Variants in RALY observed in about 807,000 individuals in gnomAD.
The protein encoded by RALY is RNA-binding protein Raly.
A neutral mutation model predicts 30.7 loss-of-function variants in RALY; 15 were observed. The ratio of observed to expected loss-of-function variants is 0.49; its 90% CI spans 0.33 to 0.75. The LOEUF (loss-of-function observed/expected upper bound fraction) is 0.75, where lower values mean the gene tolerates loss of function less well. RALY is among the 30% of genes least tolerant of loss of function. The pLI, the probability that RALY is intolerant of heterozygous loss-of-function variation, is 0.02. For missense variants in RALY, 339 were observed against 414.3 expected (o/e 0.82, Z 1.58); for synonymous variants, 177 against 170.8 (o/e 1.04, Z -0.28).
intron 1 of RALY, chr20:34,016,411 G>A (rs1162347138): frequency 6.6e-6 from 1 of 152,184 alleles, no homozygotes; most frequent in Non-Finnish European, 1.5e-5. Flanking sequence ...ATGACCCAAG[G>A]TGAGTTTGAA....
At position 34,073,544 on chromosome 20, in the gene RALY, G is replaced by A; in HGVS notation, c.257-19G>A. 6.4e-7 allele frequency: 1 copy of A among 1,559,188 alleles called. No homozygotes were observed. Among genetic ancestry groups the A allele is most frequent in the Non-Finnish European group, 8.8e-7 (1 of 1,130,184 alleles). On this transcript the variant is annotated intron_variant, in intron 3 of 9. Transcript: ENST00000246194. ...ACTGTCATGTTAGCATTCCAACTCTGCCTTCTCCCTCCACACAGACATCAA... is the reference window on the plus strand; with the variant it reads ...ACTGTCATGTTAGCATTCCAACTCTACCTTCTCCCTCCACACAGACATCAA...
intron 1 of RALY, among the ~76,000 whole-genome samples, chr20:33,999,598 A>G (rs2030814998): frequency 2.0e-5 from 3 of 152,184 alleles, no homozygotes; most frequent in African/African-American, 7.2e-5. Context: ...GTGTATTCCT[A>G]AGTCCCTCTC....
intron 2 of RALY, among the ~76,000 whole-genome samples, chr20:34,056,295 A>T (rs981363087): frequency 6.6e-6 from 1 of 152,024 alleles, no homozygotes; most frequent in Non-Finnish European, 1.5e-5. Context: ...GTTAACTTCA[A>T]CTCATCCTTC....
chr20:34,036,547 G>A (rs576778584), intron 2 of RALY, among the ~76,000 whole-genome samples: 64 of 152,148 alleles, frequency 4.2e-4, no homozygotes, highest in Non-Finnish European at 8.5e-4. Context: ...GTGGCCTCAT[G>A]GAATGAATTG....
intron 2 of RALY, among the ~76,000 whole-genome samples, chr20:34,034,301 C>A (rs1291968932): frequency 6.6e-6 from 1 of 152,214 alleles, no homozygotes; most frequent in East Asian, 1.9e-4. Flanking sequence ...TGTGTTTTAA[C>A]AATGGACATT....
At chr20:34,014,950 CAAAA>C (rs975919948) in intron 1 of RALY, 12 of 151,740 alleles carry the variant, frequency 7.9e-5, no homozygotes, top group Non-Finnish European at 1.5e-4. Context: ...TTTTCAAAGT[CAAAA>C]AAAGAAATGT....
chr20:34,056,751 C>G (rs1342096560), intron 2 of RALY, among the ~76,000 whole-genome samples: 6 of 152,168 alleles, frequency 3.9e-5, no homozygotes, highest in Non-Finnish European at 8.8e-5. Flanking sequence ...ACTCTCCCTA[C>G]CCCACCACCT....
chr20:34,064,621 A>C lies in RALY; in HGVS notation c.-9-7445A>C, dbSNP rs79220343. 9.2e-5 allele frequency among the ~76,000 whole-genome samples: 14 copies of C among 152,034 alleles called. No homozygotes were observed. The East Asian group carries it at 2.1e-3, about 23-fold the overall frequency. On this transcript the variant is annotated intron_variant, in intron 2 of 9. Transcript: ENST00000246194. Reference sequence around the variant, plus strand: ...AAGGGAGAGCATGCATAGGCTCCCTACTCCCTACCCCCAACTCCCTTACTC... The same window carrying C: ...AAGGGAGAGCATGCATAGGCTCCCTCCTCCCTACCCCCAACTCCCTTACTC...
intron 2 of RALY, among the ~76,000 whole-genome samples, chr20:34,068,049 C>T (rs564938063): frequency 4.6e-5 from 7 of 152,198 alleles, no homozygotes; most frequent in African/African-American, 1.7e-4. Context: ...TTATAAGCTC[C>T]ATGTGCACAC....
intron 1 of RALY, among the ~76,000 whole-genome samples, chr20:34,019,499 G>T (rs966732535): frequency 2.0e-5 from 3 of 152,194 alleles, no homozygotes; most frequent in African/African-American, 7.2e-5. Flanking sequence ...CCATAAAGCA[G>T]ACTGAAGGAT....
At chr20:34,046,701 C>A (rs2032891336) in intron 2 of RALY, among the ~76,000 whole-genome samples, 1 of 151,198 alleles carries the variant, frequency 6.6e-6, no homozygotes, top group Admixed American at 6.6e-5. Context: ...ATTTGTTATT[C>A]TTGTTGTGTG....
chr20:34,049,533 T>C (rs1191598841), intron 2 of RALY, among the ~76,000 whole-genome samples: 1 of 152,238 alleles, frequency 6.6e-6, no homozygotes, highest in African/African-American at 2.4e-5. Context: ...TGTGTTACTT[T>C]AAGCACTTTC....
chr20:34,022,770 A>G (rs1231265434), intron 1 of RALY, among the ~76,000 whole-genome samples: 3 of 152,100 alleles, frequency 2.0e-5, no homozygotes, highest in Non-Finnish European at 4.4e-5. Context: ...AAGGCAATTC[A>G]TTTCATGTCT....
rs1056340551 is a variant in RALY at position 34,027,110 on chromosome 20, A to T, written c.-92-4412A>T. On this transcript the variant is annotated intron_variant, in intron 1 of 9. Coordinates refer to ENST00000246194, the MANE Select transcript of RALY (RefSeq NM_016732.3). ...TAGCAGCAGTGAGCACACAACCCCC[A>T]CTCCCTCCACATCCCCCGTTCAATG... Among the ~76,000 whole-genome samples the T allele has an allele frequency of 5.3e-5, 8 of 151,094 alleles. No homozygotes were observed. The Admixed American group carries it at 5.3e-4, about 10-fold the overall frequency.
In RALY at chr20:34,032,511, G is replaced by A. The variant is rs989286998; in HGVS notation, c.-10+907G>A. Among the ~76,000 whole-genome samples, 23 of 151,600 alleles carry A rather than the reference G, an allele frequency of 1.5e-4. 1 individual carries two copies. Among genetic ancestry groups the A allele is most frequent in the South Asian group, 6.3e-4 (3 of 4,788 alleles). On this transcript the variant is annotated intron_variant, in intron 2 of 9. Transcript: ENST00000246194. The stretch of plus-strand genomic sequence containing the variant: ...TAGACAAAATCCCTTTTTGTGTGTT[G>A]GGGGGGGTTTTATTTTTGTTTTTGG...
chr20:34,073,762 G>T (rs2033796974), intron 4 of RALY, 57 bp from the exon 5 acceptor site: 1 of 1,586,680 alleles, frequency 6.3e-7, no homozygotes, highest in African/African-American at 1.3e-5. Flanking sequence ...AGGGCCTGTG[G>T]AAAGTGGGCT....
intron 2 of RALY, among the ~76,000 whole-genome samples, chr20:34,036,614 C>T (rs911818517): frequency 6.6e-6 from 1 of 152,208 alleles, no homozygotes; most frequent in Non-Finnish European, 1.5e-5. Flanking sequence ...GGTATTATTT[C>T]TTCTTTAATT....
intron 2 of RALY, among the ~76,000 whole-genome samples, chr20:34,061,062 GA>G (rs1471794198): frequency 6.6e-6 from 1 of 152,170 alleles, no homozygotes; most frequent in African/African-American, 2.4e-5. Context: ...CAGAAAATGA[GA>G]AAACCTTTTC....
intron 2 of RALY, among the ~76,000 whole-genome samples, chr20:34,069,375 G>A (rs184769311): frequency 4.6e-5 from 7 of 152,128 alleles, no homozygotes; most frequent in Non-Finnish European, 7.4e-5. Flanking sequence ...TCCTGATCTC[G>A]TCACAATACC....
Sources: allele counts gnomAD v4.1 joint callset (sites outside exome capture counted in the v4.1 genomes callset), GRCh38; gene constraint gnomAD v4.1.1; transcripts MANE v1.5; gene names NCBI Gene and HGNC (gene_info 2026-07-23, HGNC 2026-07-21).